Variants in PPFIA1 observed in about 807,000 individuals in gnomAD.
PPFIA1 encodes the protein liprin-alpha-1.
In PPFIA1, 25 loss-of-function variants were observed where a neutral mutation model predicts 149.9. The ratio of observed to expected loss-of-function variants is 0.17; its 90% CI spans 0.12 to 0.23. The LOEUF (loss-of-function observed/expected upper bound fraction) is 0.23. PPFIA1 is among the 10% of genes least tolerant of loss of function. PPFIA1 has a pLI of 1.00. For missense variants in PPFIA1, 1,362 were observed against 1,506.5 expected (o/e 0.90, Z 1.59); for synonymous variants, 549 against 552.8 (o/e 0.99, Z 0.10).
Position 70,335,578 on chromosome 11 carries a change from A to C in PPFIA1, c.1312A>C (p.Lys438Gln). Residue 438 changes from lysine (K) to glutamine (Q), a missense_variant, in exon 11 of 28, where the codon AAA becomes CAA. Transcript: ENST00000253925. The part of the protein sequence containing the change: ...QELQRARQRE[K>Q]MNEEHNKRLS... Reference sequence around the variant, plus strand: ...CCTGCTTTAGGCAAGGCAAAGAGAAAAAATGAACGAAGAACATAATAAACG... The same window carrying C: ...CCTGCTTTAGGCAAGGCAAAGAGAACAAATGAACGAAGAACATAATAAACG... 1 of 1,613,960 alleles carries C rather than the reference A, an allele frequency of 6.2e-7. No individual in the cohort carries two copies. The highest frequency in any genetic ancestry group is 8.5e-7 in the Non-Finnish European group (1 of 1,179,930).
chr11:70,369,933 G>T (rs1306400571), intron 21 of PPFIA1, among the ~76,000 whole-genome samples: 1 of 150,860 alleles, frequency 6.6e-6, no homozygotes, highest in Non-Finnish European at 1.5e-5. Flanking sequence ...ACCATGCCTG[G>T]CTGCCCTCTT....
At chr11:70,299,648 C>G (rs1308360137) in intron 2 of PPFIA1, among the ~76,000 whole-genome samples, 4 of 152,198 alleles carry the variant, frequency 2.6e-5, no homozygotes, top group African/African-American at 7.2e-5. Flanking sequence ...CCTGCCAGAA[C>G]TGTGCTCTCC....
intron 9 of PPFIA1, 96 bp downstream of exon 9, chr11:70,332,190 C>T: frequency 7.1e-7 from 1 of 1,403,602 alleles, no homozygotes. Flanking sequence ...ACATCAGCAC[C>T]TAAATCCGTG....
chr11:70,368,491 T>C (rs1266123665), intron 21 of PPFIA1, among the ~76,000 whole-genome samples: 2 of 152,204 alleles, frequency 1.3e-5, no homozygotes, highest in Non-Finnish European at 2.9e-5. Context: ...TTAGTCTTCC[T>C]CAGCTGCAGA....
At chr11:70,313,510 GC>G (rs914445092) in intron 2 of PPFIA1, among the ~76,000 whole-genome samples, 2 of 152,150 alleles carry the variant, frequency 1.3e-5, no homozygotes, top group African/African-American at 4.8e-5. Flanking sequence ...AGACACAGTG[GC>G]TTGGATAAAG....
Position 70,356,795 on chromosome 11 carries a change from C to T in PPFIA1, c.2582+541C>T, listed in dbSNP as rs187645122. On this transcript the variant is annotated intron_variant, in intron 19 of 27. Coordinates refer to ENST00000253925, the MANE Select transcript of PPFIA1 (RefSeq NM_003626.5). ...ATACTGCTGGTCTGTCCGAAACAGT[C>T]GCCATGCTGCATTTTTCTCTCTTCC... 1.5e-3 allele frequency among the ~76,000 whole-genome samples: 234 copies of T among 152,340 alleles called. 2 individuals carry two copies. Among genetic ancestry groups the T allele is most frequent in the African/African-American group, 5.5e-3 (227 of 41,586 alleles).
chr11:70,289,418 C>A (rs1385697577), intron 2 of PPFIA1, among the ~76,000 whole-genome samples: 1 of 152,120 alleles, frequency 6.6e-6, no homozygotes, highest in Non-Finnish European at 1.5e-5. Context: ...ATTTTGATTT[C>A]TAATAATATT....
chr11:70,324,532 G>A, intron 3 of PPFIA1, 29 bp downstream of exon 3: 1 of 1,534,440 alleles, frequency 6.5e-7, no homozygotes, highest in Non-Finnish European at 9.0e-7. Context: ...TTCACTGCCT[G>A]CCCCTGGAGC....
intron 24 of PPFIA1, among the ~76,000 whole-genome samples, chr11:70,376,152 C>A (rs923187277): frequency 6.6e-6 from 1 of 152,188 alleles, no homozygotes; most frequent in Non-Finnish European, 1.5e-5. Flanking sequence ...CCGTGCCCGG[C>A]TTATTTTTGT....
chr11:70,335,779 C>T, intron 11 of PPFIA1, 85 bp downstream of exon 11: 2 of 1,472,022 alleles, frequency 1.4e-6, no homozygotes, highest in East Asian at 2.3e-5. Context: ...GCGTGTGTAA[C>T]AGTGGTTAGC....
rs1450999640 is a variant in PPFIA1 at position 70,342,467 on chromosome 11, A to T, written c.1708-1202A>T. 2.6e-5 allele frequency among the ~76,000 whole-genome samples: 4 copies of T among 152,304 alleles called. No individual in the cohort carries two copies. In the East Asian group the frequency reaches 7.7e-4, roughly 29 times the overall value. On this transcript the variant is annotated intron_variant, in intron 14 of 27. Transcript: ENST00000253925. ...ACACTTTTCCCTCTGCATTCTGATG[A>T]CATACATAATGCCTCAGTCAGACAC... is the stretch of plus-strand genomic sequence containing the variant.
At chr11:70,344,201 A>G (rs537854289) in intron 15 of PPFIA1, among the ~76,000 whole-genome samples, 1 of 152,318 alleles carries the variant, frequency 6.6e-6, no homozygotes, top group East Asian at 1.9e-4. Context: ...GGCTCAGCCC[A>G]GCTCCCACTG....
intron 9 of PPFIA1, chr11:70,333,114 C>A (rs936562249): frequency 1.5e-5 from 7 of 472,954 alleles, no homozygotes; most frequent in African/African-American, 1.4e-4. Context: ...GGGTGCACTG[C>A]TCCTTGCTTG....
At chr11:70,287,171 A>G (rs1240656614) in intron 2 of PPFIA1, among the ~76,000 whole-genome samples, 1 of 151,970 alleles carries the variant, frequency 6.6e-6, no homozygotes, top group Non-Finnish European at 1.5e-5. Flanking sequence ...TCTAAAATGC[A>G]TGTACAGCTG....
rs1342190018 is a variant in PPFIA1 at position 70,364,960 on chromosome 11, T to G, written c.2865+2472T>G. ...TGCCCTGTGGCCTGCCTTCAGCCTT[T>G]CAGGCCGTCACGGAACATCTGCGAG... is the stretch of plus-strand genomic sequence containing the variant. On this transcript the variant is annotated intron_variant, in intron 21 of 27. Coordinates refer to ENST00000253925, the MANE Select transcript of PPFIA1 (RefSeq NM_003626.5). The G allele has an allele frequency of 3.7e-5, 6 of 163,482 alleles. 1 individual carries two copies. The South Asian group carries it at 1.0e-3, about 28-fold the overall frequency. The allele number at this position is 163,482 out of a possible 1,614,324, so 10.1% of individuals were successfully genotyped here.
At chr11:70,378,928 G>A (rs2057594684) in intron 26 of PPFIA1, among the ~76,000 whole-genome samples, 1 of 152,220 alleles carries the variant, frequency 6.6e-6, no homozygotes, top group Admixed American at 6.5e-5. Flanking sequence ...GCAGTGCACA[G>A]GTTGAAGAGC....
intron 2 of PPFIA1, among the ~76,000 whole-genome samples, chr11:70,294,850 CAG>C (rs1334159049): frequency 6.2e-4 from 94 of 151,472 alleles, no homozygotes; most frequent in African/African-American, 2.1e-3. Flanking sequence ...GCACATGTTT[CAG>C]AGAGCACAGG....
chr11:70,330,186 A>C lies in PPFIA1; in HGVS notation c.944A>C (p.Lys315Thr). 1 of 1,595,930 alleles carries C rather than the reference A, an allele frequency of 6.3e-7. No homozygotes were observed. Among genetic ancestry groups the C allele is most frequent in the Non-Finnish European group, 8.5e-7 (1 of 1,173,640 alleles). The change falls in exon 8 of 28, where the codon AAG becomes ACG. Residue 315 changes from lysine to threonine, a missense_variant. Transcript: ENST00000253925. ...QRDVREAMAQ[K>T]EDMEERITTL... ...TACCTAATTTAGGCCATGGCCCAAA[A>C]GGAAGATATGGAAGAGAGAATCACT...
chr11:70,331,150 G>A (rs540370084), intron 8 of PPFIA1, among the ~76,000 whole-genome samples: 6 of 151,010 alleles, frequency 4.0e-5, no homozygotes, highest in African/African-American at 1.5e-4. Flanking sequence ...CAGGAGAATC[G>A]CTTGAACCCA....
Sources: gnomAD v4.1 joint callset for allele counts (sites outside exome capture counted in the v4.1 genomes callset) on GRCh38, gnomAD v4.1.1 for gene constraint, MANE v1.5 for transcripts, NCBI Gene and HGNC (gene_info 2026-07-23, HGNC 2026-07-21) for gene names.